The following MDGA2 variants were observed in gnomAD, a reference collection of about 807,000 sequenced individuals.
The protein encoded by MDGA2 is MAM domain-containing glycosylphosphatidylinositol anchor protein 2.
In MDGA2, 40 loss-of-function variants were observed where a neutral mutation model predicts 117.8. That is an observed-to-expected ratio of 0.34 (90% CI 0.26 to 0.44). The LOEUF is 0.44. MDGA2 is among the 20% of genes least tolerant of loss of function. The pLI is 1.00. For missense variants in MDGA2, 1,123 were observed against 1,250.6 expected (o/e 0.90, Z 1.54); for synonymous variants, 452 against 439.0 (o/e 1.03, Z -0.37).
chr14:47,602,141 G>T (rs959493867), intron 1 of MDGA2, among the ~76,000 whole-genome samples: 2 of 152,114 alleles, frequency 1.3e-5, no homozygotes, highest in African/African-American at 4.8e-5. Context: ...TTTTTTTAAA[G>T]TAAGTGACAC....
intron 5 of MDGA2, among the ~76,000 whole-genome samples, chr14:47,111,495 T>C (rs1321663985): frequency 1.3e-5 from 2 of 152,094 alleles, no homozygotes; most frequent in African/African-American, 4.8e-5. Context: ...TGCAGAAATA[T>C]TCACCATCCA....
intron 1 of MDGA2, among the ~76,000 whole-genome samples, chr14:47,502,030 G>A (rs1447644808): frequency 1.3e-5 from 2 of 152,040 alleles, no homozygotes; most frequent in Admixed American, 6.6e-5. Flanking sequence ...AATAAGATGA[G>A]AGCCTCATAA....
intron 1 of MDGA2, among the ~76,000 whole-genome samples, chr14:47,516,823 T>C (rs1478982739): frequency 6.6e-6 from 1 of 152,228 alleles, no homozygotes; most frequent in Non-Finnish European, 1.5e-5. Flanking sequence ...ATTATGATCT[T>C]TTAATTTTTA....
intron 1 of MDGA2, among the ~76,000 whole-genome samples, chr14:47,359,966 AC>A (rs1891080816): frequency 6.6e-6 from 1 of 152,186 alleles, no homozygotes; most frequent in South Asian, 2.1e-4. Flanking sequence ...GTATTTGTGA[AC>A]CATATAGCTG....
At position 47,108,211 on chromosome 14, in the gene MDGA2, T is replaced by C. The variant is rs533483683; in HGVS notation, c.926-11088A>G. The stretch of plus-strand genomic sequence containing the variant: ...GGCCTGTCCTCGGAATGCTACAGGG[T>C]ACAGCCCATTTAAGGTCCATAACAC... On this transcript the variant is annotated intron_variant, in intron 5 of 16. Transcript: ENST00000399232. Among the ~76,000 whole-genome samples the C allele has an allele frequency of 2.6e-5, 4 of 152,254 alleles. No homozygotes were observed. In the East Asian group the frequency reaches 5.8e-4, roughly 22 times the overall value.
intron 7 of MDGA2, among the ~76,000 whole-genome samples, chr14:47,035,918 A>G (rs1254730837): frequency 6.6e-6 from 1 of 152,140 alleles, no homozygotes; most frequent in African/African-American, 2.4e-5. Flanking sequence ...AATATTGCCA[A>G]TATTTCTACA....
At chr14:47,126,296 C>A (rs1202306486) in intron 5 of MDGA2, among the ~76,000 whole-genome samples, 1 of 152,012 alleles carries the variant, frequency 6.6e-6, no homozygotes, top group Non-Finnish European at 1.5e-5. Flanking sequence ...AACTTCTAGA[C>A]CCTCCTAAGC....
intron 3 of MDGA2, among the ~76,000 whole-genome samples, chr14:47,205,126 A>G (rs540389050): frequency 6.6e-5 from 10 of 151,960 alleles, no homozygotes; most frequent in Non-Finnish European, 1.2e-4. Flanking sequence ...GTGTGTATAT[A>G]TATGTGCATA....
chr14:47,647,924 G>A (rs1000566341), intron 1 of MDGA2, among the ~76,000 whole-genome samples: 3 of 151,998 alleles, frequency 2.0e-5, no homozygotes, highest in Non-Finnish European at 4.4e-5. Flanking sequence ...ACACTGATTT[G>A]ATCTTTACAA....
rs1289625629 is a variant in MDGA2, at chr14:46,851,549, A to G, written c.2883+3475T>C. The stretch of plus-strand genomic sequence containing the variant: ...AATTGTATTTTCAGCTAAGCAAACT[A>G]ATTGGACACACTCAAACAAAGGACT... On this transcript the variant is annotated intron_variant, in intron 15 of 16. Transcript: ENST00000399232. Among the ~76,000 whole-genome samples, 9 of 151,902 alleles carry G rather than the reference A, an allele frequency of 5.9e-5. No homozygotes were observed. The East Asian group carries it at 1.7e-3, about 29-fold the overall frequency.
At chr14:47,241,468 G>A (rs1887038253) in intron 2 of MDGA2, among the ~76,000 whole-genome samples, 1 of 151,756 alleles carries the variant, frequency 6.6e-6, no homozygotes, top group African/African-American at 2.4e-5. Context: ...AAAAATTATT[G>A]TGTTTGTTTT....
At chr14:46,957,741 C>CA in intron 8 of MDGA2, 98 bp from the exon 9 acceptor site, 1 of 1,312,594 alleles carries the variant, frequency 7.6e-7, no homozygotes, top group Non-Finnish European at 1.1e-6. Flanking sequence ...ACACATGCAG[C>CA]AATAGAGGAG....
intron 6 of MDGA2, among the ~76,000 whole-genome samples, chr14:47,070,225 C>T (rs943922063): frequency 6.6e-6 from 1 of 152,056 alleles, no homozygotes; most frequent in African/African-American, 2.4e-5. Context: ...CCAATCCCAC[C>T]CCTGTTCCGG....
intron 10 of MDGA2, among the ~76,000 whole-genome samples, chr14:46,919,348 T>G (rs945361109): frequency 3.9e-5 from 6 of 152,190 alleles, no homozygotes; most frequent in Admixed American, 6.5e-5. Context: ...CTGAAATTCA[T>G]CCAGATAATA....
intron 8 of MDGA2, among the ~76,000 whole-genome samples, chr14:46,978,017 A>T (rs1886532474): frequency 6.6e-6 from 1 of 151,944 alleles, no homozygotes. Context: ...AGTTTTTTTC[A>T]GAGTATCTTT....
At chr14:46,843,854 T>C (rs1032673673) in intron 16 of MDGA2, among the ~76,000 whole-genome samples, 2 of 152,172 alleles carry the variant, frequency 1.3e-5, no homozygotes, top group African/African-American at 4.8e-5. Context: ...TGCTAAATAA[T>C]TGATGAGTAA....
At chr14:47,021,728 T>C (rs1888293223) in intron 8 of MDGA2, among the ~76,000 whole-genome samples, 1 of 152,170 alleles carries the variant, frequency 6.6e-6, no homozygotes, top group South Asian at 2.1e-4. Flanking sequence ...ATAACTTCCA[T>C]ACTCGAAGAT....
intron 1 of MDGA2, among the ~76,000 whole-genome samples, chr14:47,450,839 A>G (rs1429462934): frequency 2.6e-5 from 4 of 152,158 alleles, no homozygotes. Flanking sequence ...AGGTTAATGA[A>G]TAGAGAACTG....
chr14:47,525,915 A>C (rs1894964758), intron 1 of MDGA2, among the ~76,000 whole-genome samples: 1 of 152,002 alleles, frequency 6.6e-6, no homozygotes, highest in Admixed American at 6.6e-5. Context: ...ACTCTAAATT[A>C]TATATATGTA....
Sources: allele counts gnomAD v4.1 joint callset (sites outside exome capture counted in the v4.1 genomes callset), GRCh38; gene constraint gnomAD v4.1.1; transcripts MANE v1.5; gene names NCBI Gene and HGNC (gene_info 2026-07-23, HGNC 2026-07-21).